The following FER1L6 variants were observed in gnomAD, a reference collection of about 807,000 sequenced individuals.
FER1L6 encodes fer-1-like protein 6.
In FER1L6, 177 loss-of-function variants were observed where a neutral mutation model predicts 219.2. That is an observed-to-expected ratio of 0.81 (90% CI 0.71 to 0.91). FER1L6 has a LOEUF of 0.91. Ranked by LOEUF, FER1L6 falls within the 40% of genes least tolerant of loss-of-function variation. The pLI is 0.00. For synonymous variants in FER1L6, 768 were observed against 824.3 expected, an observed-to-expected ratio of 0.93 and a Z score of 1.17; for missense variants, 2,153 against 2,259.9, an observed-to-expected ratio of 0.95 and a Z score of 0.96.
intron 1 of FER1L6, among the ~76,000 whole-genome samples, chr8:123,939,595 C>G (rs1333366944): frequency 1.3e-5 from 2 of 152,144 alleles, no homozygotes; most frequent in African/African-American, 4.8e-5. Flanking sequence ...TCCTGCAGGT[C>G]GTTGGGGAGT....
chr8:124,064,904 A>G (rs1316540955), intron 26 of FER1L6, among the ~76,000 whole-genome samples: 1 of 152,262 alleles, frequency 6.6e-6, no homozygotes, highest in Non-Finnish European at 1.5e-5. Context: ...TACTTTGTAC[A>G]AGATCATATG....
intron 34 of FER1L6, among the ~76,000 whole-genome samples, chr8:124,093,245 T>C (rs1822126692): frequency 6.6e-6 from 1 of 151,932 alleles, no homozygotes; most frequent in African/African-American, 2.4e-5. Context: ...TTCCCACCAG[T>C]CCCTACCTCC....
intron 12 of FER1L6, among the ~76,000 whole-genome samples, chr8:123,995,771 G>A (rs1045535283): frequency 3.3e-5 from 5 of 151,702 alleles, no homozygotes; most frequent in African/African-American, 1.2e-4. Context: ...TTTATTTGAT[G>A]TTTTTCTAGT....
intron 28 of FER1L6, among the ~76,000 whole-genome samples, chr8:124,068,048 T>C (rs979163794): frequency 6.6e-6 from 1 of 152,172 alleles, no homozygotes; most frequent in Admixed American, 6.5e-5. Context: ...TTGGCTCAAG[T>C]TCCTATGTTG....
rs752050462 is a variant in FER1L6 at position 123,956,121 on chromosome 8, C to G, written c.76+47C>G. On this transcript the variant is annotated intron_variant, in intron 2 of 40. Transcript: ENST00000522917. ...TGACCATTGGGGCCTGAGAGTCTCGCAGAGTGACCCCTCCGTGGCTGAAAA... is the reference window on the plus strand; with the variant it reads ...TGACCATTGGGGCCTGAGAGTCTCGGAGAGTGACCCCTCCGTGGCTGAAAA... 7.3e-6 allele frequency: 11 copies of G among 1,514,414 alleles called. No homozygotes were observed. In the Admixed American group the frequency reaches 2.0e-4, roughly 27 times the overall value. The allele number at this position is 1,514,414 out of a possible 1,614,324, so 93.8% of individuals were successfully genotyped here. A position where few individuals can be genotyped will look rare whatever the true frequency, so the allele number is the denominator to read the frequency against.
intron 14 of FER1L6, among the ~76,000 whole-genome samples, chr8:124,012,147 G>C (rs1306414751): frequency 6.6e-6 from 1 of 152,100 alleles, no homozygotes; most frequent in African/African-American, 2.4e-5. Context: ...TGACCCTCCT[G>C]TTCCGTTAAA....
chr8:124,060,518 T>C lies in FER1L6; in HGVS notation c.2986-30T>C, dbSNP rs762513296. The stretch of plus-strand genomic sequence containing the variant: ...GGTGTGGGGCTCCTCCGTGGATCTG[T>C]GGTGATGGCTCTGCTGGTCTTTTCC... On this transcript the variant is annotated intron_variant, in intron 23 of 40. Coordinates refer to ENST00000522917, the MANE Select transcript of FER1L6 (RefSeq NM_001039112.2). 145 of 1,611,566 alleles carry C rather than the reference T, an allele frequency of 9.0e-5. 8 individuals are homozygous for C. In the South Asian group the frequency reaches 1.5e-3, roughly 17 times the overall value.
intron 1 of FER1L6, among the ~76,000 whole-genome samples, chr8:123,872,298 C>A (rs1446683679): frequency 6.6e-6 from 1 of 152,112 alleles, no homozygotes; most frequent in Non-Finnish European, 1.5e-5. Context: ...GGACAAGTAT[C>A]CAAACTATAT....
chr8:123,939,028 G>A, intron 1 of FER1L6: 1 of 384,470 alleles, frequency 2.6e-6, no homozygotes, highest in Non-Finnish European at 3.6e-6. Flanking sequence ...CAATTGCATT[G>A]CACATTCATC....
chr8:124,082,115 T>G (rs1053409588), intron 32 of FER1L6, among the ~76,000 whole-genome samples, 173 bp from the exon 33 acceptor site: 8 of 152,108 alleles, frequency 5.3e-5, no homozygotes, highest in Admixed American at 2.0e-4. Flanking sequence ...AGTTGAAAAT[T>G]GTTTGTACTG....
intron 25 of FER1L6, among the ~76,000 whole-genome samples, chr8:124,063,013 C>A (rs1317179052): frequency 2.0e-5 from 3 of 152,192 alleles, no homozygotes; most frequent in Non-Finnish European, 4.4e-5. Flanking sequence ...ACCCTGTGGA[C>A]ACAAATTAGT....
chr8:123,955,517 T>C (rs1257278752), intron 1 of FER1L6, among the ~76,000 whole-genome samples: 1 of 152,184 alleles, frequency 6.6e-6, no homozygotes. Context: ...GACCCTGGGC[T>C]TTGAAATCAG....
intron 13 of FER1L6, among the ~76,000 whole-genome samples, chr8:124,003,960 A>G (rs1165231287): frequency 6.6e-6 from 1 of 152,138 alleles, no homozygotes; most frequent in Non-Finnish European, 1.5e-5. Flanking sequence ...GAAGCAAAGT[A>G]AGATAGGAAG....
At chr8:123,900,441 G>C (rs772218485) in intron 1 of FER1L6, among the ~76,000 whole-genome samples, 7 of 152,138 alleles carry the variant, frequency 4.6e-5, no homozygotes, top group Non-Finnish European at 7.4e-5. Context: ...TCAGCAAACA[G>C]TGACAGTTTG....
intron 1 of FER1L6, among the ~76,000 whole-genome samples, chr8:123,922,513 C>T (rs900841238): frequency 1.3e-5 from 2 of 152,144 alleles, no homozygotes; most frequent in Non-Finnish European, 2.9e-5. Context: ...GTGCAGGGCC[C>T]CAGCAGCCCA....
At chr8:124,057,093 C>A (rs1234415758) in intron 22 of FER1L6, among the ~76,000 whole-genome samples, 1 of 152,156 alleles carries the variant, frequency 6.6e-6, no homozygotes, top group African/African-American at 2.4e-5. Flanking sequence ...AGAGACCCTG[C>A]TCAAGCCCTC....
At position 124,064,385 on chromosome 8, in the gene FER1L6, GC is replaced by G; in HGVS notation, c.3370del (p.His1124ThrfsTer51). The G allele has an allele frequency of 6.2e-7, 1 of 1,612,844 alleles. No individual in the cohort carries two copies. Among genetic ancestry groups the G allele is most frequent in the South Asian group, 1.1e-5 (1 of 90,774 alleles). ...GCTAACAGCCACTGAGTCCTCTGGA[GC>G]CCACAGCTCCTCCCAGGATCCCCCA... Reference protein sequence around the residue: ...DSLTATESSGAHSSSQDPPAD... With the variant: ...DSLTATESSGXHSSSQDPPAD... On this transcript the variant is annotated frameshift_variant, in exon 26 of 41. Transcript: ENST00000522917. LOFTEE classifies it high-confidence loss of function.
chr8:123,906,833 A>T (rs1284611465), intron 1 of FER1L6, among the ~76,000 whole-genome samples: 1 of 151,782 alleles, frequency 6.6e-6, no homozygotes, highest in Non-Finnish European at 1.5e-5. Flanking sequence ...AAGATTGCTC[A>T]CACATCTGAA....
rs117905541 is a variant in FER1L6 at position 123,878,617 on chromosome 8, A to C, written c.-8+26432A>C. Among the ~76,000 whole-genome samples the C allele has an allele frequency of 4.7e-3, 712 of 152,298 alleles. 2 individuals are homozygous for C. The highest frequency in any genetic ancestry group is 0.017 in the Middle Eastern group (5 of 294). On this transcript the variant is annotated intron_variant, in intron 1 of 40. Coordinates refer to ENST00000522917, the MANE Select transcript of FER1L6 (RefSeq NM_001039112.2). ...TGTGTGACCTTGAGTAAGTTTCCTT[A>C]CCCATGAGCCTTATCCTGAGCATAA...
Sources: gnomAD v4.1 joint callset for allele counts (sites outside exome capture counted in the v4.1 genomes callset) on GRCh38, gnomAD v4.1.1 for gene constraint, MANE v1.5 for transcripts, NCBI Gene and HGNC (gene_info 2026-07-23, HGNC 2026-07-21) for gene names.